The following MCTP1 variants were observed in gnomAD, a reference collection of about 807,000 sequenced individuals.
The protein encoded by MCTP1 is multiple C2 and transmembrane domain containing 1.
MCTP1 carries 69 observed loss-of-function variants against 120.6 expected under a neutral mutation model. The ratio of observed to expected loss-of-function variants is 0.57; its 90% confidence interval spans 0.47 to 0.70. The LOEUF (loss-of-function observed/expected upper bound fraction) is 0.70, where lower values mean the gene tolerates loss of function less well. Ranked by LOEUF, MCTP1 falls within the 30% of genes least tolerant of loss-of-function variation. The pLI is 0.00. For missense variants in MCTP1, 1,203 were observed against 1,248.8 expected (o/e 0.96, Z 0.55); for synonymous variants, 529 against 493.1 (o/e 1.07, Z -0.96).
In MCTP1 at chr5:94,776,513, C is replaced by G. The variant is rs78018728; in HGVS notation, c.2610+2597G>C. On this transcript the variant is annotated intron_variant, in intron 19 of 22. Coordinates refer to ENST00000515393, the MANE Select transcript of MCTP1 (RefSeq NM_024717.7). ...TAATCAGGGAAAGCCAAGACACTGG[C>G]CCCGGTGAAACATCTGGGACATATT... Among the ~76,000 whole-genome samples the G allele has an allele frequency of 2.0e-3, 311 of 152,182 alleles. 9 individuals are homozygous for G. The East Asian group carries it at 0.053, about 26-fold the overall frequency.
chr5:94,871,008 C>T (rs375910493), intron 14 of MCTP1, 35 bp from the exon 15 acceptor site: 71 of 1,541,496 alleles, frequency 4.6e-5, no homozygotes, highest in Middle Eastern at 1.7e-4. Context: ...GTCTGTCTCG[C>T]GGTCTCTACT....
chr5:94,906,478 C>A (rs1806965504), intron 10 of MCTP1, among the ~76,000 whole-genome samples: 1 of 151,842 alleles, frequency 6.6e-6, no homozygotes, highest in African/African-American at 2.4e-5. Context: ...AGATCGAGAC[C>A]CTGTCTCAAA....
intron 1 of MCTP1, among the ~76,000 whole-genome samples, chr5:95,024,378 A>C (rs1420450221): frequency 6.6e-6 from 1 of 152,166 alleles, no homozygotes; most frequent in Non-Finnish European, 1.5e-5. Context: ...ATCTCAATGG[A>C]TATATGAAAA....
chr5:94,794,676 A>G (rs907121999), intron 18 of MCTP1, among the ~76,000 whole-genome samples: 1 of 152,190 alleles, frequency 6.6e-6, no homozygotes, highest in Admixed American at 6.5e-5. Context: ...ATTTAGAATT[A>G]TTTACTTTAT....
At chr5:95,128,002 T>C (rs1234019042) in intron 1 of MCTP1, among the ~76,000 whole-genome samples, 1 of 152,160 alleles carries the variant, frequency 6.6e-6, no homozygotes, top group East Asian at 1.9e-4. Flanking sequence ...CATCAAGTTA[T>C]ACTAGAAAGC....
intron 1 of MCTP1, among the ~76,000 whole-genome samples, chr5:95,061,576 C>T (rs1315578186): frequency 2.0e-5 from 3 of 149,600 alleles, no homozygotes; most frequent in African/African-American, 7.3e-5. Context: ...GCTGGGACTA[C>T]AGGCGCCCGC....
chr5:95,219,418 T>C (rs1753429076), intron 1 of MCTP1, among the ~76,000 whole-genome samples: 3 of 151,904 alleles, frequency 2.0e-5, no homozygotes, highest in Non-Finnish European at 4.4e-5. Context: ...AAATAATTTA[T>C]TTAAAACACA....
chr5:94,796,360 C>T (rs1779992980), intron 18 of MCTP1, among the ~76,000 whole-genome samples: 1 of 151,744 alleles, frequency 6.6e-6, no homozygotes, highest in Non-Finnish European at 1.5e-5. Flanking sequence ...GGTTTGGAAT[C>T]AGCCAATGGT....
intron 19 of MCTP1, among the ~76,000 whole-genome samples, chr5:94,735,406 G>GT (rs1486676686): frequency 6.6e-6 from 1 of 152,060 alleles, no homozygotes; most frequent in Non-Finnish European, 1.5e-5. Context: ...AGCCTCTCAA[G>GT]TAGCTGAGAC....
intron 1 of MCTP1, among the ~76,000 whole-genome samples, chr5:95,145,137 A>G (rs331559): frequency 0.29 from 43,304 of 151,826 alleles, 6,607 homozygotes; most frequent in East Asian, 0.58. Context: ...GCATTCTTAG[A>G]TACTTCAATT....
At chr5:94,866,406 T>G (rs1039839858) in intron 17 of MCTP1, among the ~76,000 whole-genome samples, 2 of 151,854 alleles carry the variant, frequency 1.3e-5, no homozygotes, top group African/African-American at 4.8e-5. Flanking sequence ...CAGAGCTTCT[T>G]TTTTCCAGCG....
chr5:94,728,458 A>G (rs1762523690), intron 19 of MCTP1, among the ~76,000 whole-genome samples: 1 of 152,196 alleles, frequency 6.6e-6, no homozygotes, highest in Admixed American at 6.5e-5. Flanking sequence ...TAAAAGTGGG[A>G]TGGGCATGGA....
chr5:94,754,413 C>G (rs966277562), intron 19 of MCTP1, among the ~76,000 whole-genome samples: 1 of 152,240 alleles, frequency 6.6e-6, no homozygotes, highest in Non-Finnish European at 1.5e-5. Flanking sequence ...TCTGCATCCA[C>G]AGAGTTTTAA....
At chr5:95,236,298 A>T (rs1755538021) in intron 1 of MCTP1, among the ~76,000 whole-genome samples, 1 of 152,228 alleles carries the variant, frequency 6.6e-6, no homozygotes, top group Admixed American at 6.5e-5. Flanking sequence ...GTCAAAATCT[A>T]TTCATTCTGT....
At chr5:95,011,079 C>A (rs950020860) in intron 2 of MCTP1, among the ~76,000 whole-genome samples, 1 of 152,116 alleles carries the variant, frequency 6.6e-6, no homozygotes, top group Non-Finnish European at 1.5e-5. Flanking sequence ...TGACTTTGAC[C>A]ACCTGGTTAA....
intron 19 of MCTP1, among the ~76,000 whole-genome samples, chr5:94,771,243 CA>C (rs35491452): frequency 1.1e-4 from 16 of 149,580 alleles, no homozygotes; most frequent in East Asian, 3.9e-4. Context: ...ATTTCCATGG[CA>C]AAAAAAAAGC....
At chr5:95,018,237 C>A (rs988558351) in intron 1 of MCTP1, among the ~76,000 whole-genome samples, 4 of 151,956 alleles carry the variant, frequency 2.6e-5, no homozygotes, top group East Asian at 1.9e-4. Flanking sequence ...AGTAAAAATT[C>A]TTGAGGTCAT....
intron 2 of MCTP1, among the ~76,000 whole-genome samples, chr5:94,972,564 A>G (rs1827134758): frequency 6.6e-6 from 1 of 152,138 alleles, no homozygotes; most frequent in Non-Finnish European, 1.5e-5. Context: ...TAGACAAGAG[A>G]TGGAAACCAC....
At chr5:94,777,308 G>T (rs1171368115) in intron 19 of MCTP1, among the ~76,000 whole-genome samples, 1 of 152,116 alleles carries the variant, frequency 6.6e-6, no homozygotes, top group Non-Finnish European at 1.5e-5. Context: ...CAGAGATTTG[G>T]TGTTGTTTCC....
Sources: allele counts gnomAD v4.1 joint callset (sites outside exome capture counted in the v4.1 genomes callset), GRCh38; gene constraint gnomAD v4.1.1; transcripts MANE v1.5; gene names NCBI Gene and HGNC (gene_info 2026-07-23, HGNC 2026-07-21).